Variants in PDE1C observed in about 807,000 individuals in gnomAD.
PDE1C encodes the protein dual specificity calcium/calmodulin-dependent 3',5'-cyclic nucleotide phosphodiesterase 1C.
A neutral mutation model predicts 93.1 loss-of-function variants in PDE1C; 62 were observed. The observed-to-expected ratio is 0.67, with a 90% confidence interval of 0.54 to 0.82. The LOEUF is 0.82. PDE1C is among the 40% of genes least tolerant of loss of function. PDE1C has a pLI of 0.00. For missense variants in PDE1C, 742 were observed against 884.6 expected (o/e 0.84, Z 2.04); for synonymous variants, 325 against 310.1 (o/e 1.05, Z -0.50).
At chr7:31,651,142 T>C in the PDE1C span, 1 of 1,612,730 alleles carries the variant, frequency 6.2e-7, no homozygotes, top group East Asian at 2.2e-5. Flanking sequence ...TTGTTCTCAG[T>C]GCACAGTCCA....
chr7:32,287,854 A>T (rs1562652392), intron 1 of PDE1C, among the ~76,000 whole-genome samples: 1 of 152,200 alleles, frequency 6.6e-6, no homozygotes, highest in Non-Finnish European at 1.5e-5. Context: ...TCTGCACAGG[A>T]AAAGGAATCT....
At chr7:32,206,502 C>T (rs561041893) in intron 2 of PDE1C, among the ~76,000 whole-genome samples, 5 of 152,134 alleles carry the variant, frequency 3.3e-5, no homozygotes, top group Admixed American at 6.5e-5. Flanking sequence ...GAAAGGGACC[C>T]CACAGCCAGC....
chr7:32,243,155 G>T (rs982016261), intron 1 of PDE1C, among the ~76,000 whole-genome samples: 6 of 152,182 alleles, frequency 3.9e-5, no homozygotes, highest in Non-Finnish European at 7.3e-5. Context: ...GTCTTGCCTA[G>T]ATCACACAGG....
intron 2 of PDE1C, among the ~76,000 whole-genome samples, chr7:31,925,905 T>A (rs1402099252): frequency 6.6e-6 from 1 of 152,156 alleles, no homozygotes; most frequent in Admixed American, 6.5e-5. Context: ...GTCAGCATAG[T>A]CCACTCACCC....
intron 16 of PDE1C, among the ~76,000 whole-genome samples, chr7:31,779,687 T>C (rs1783255816): frequency 6.6e-6 from 1 of 152,132 alleles, no homozygotes; most frequent in African/African-American, 2.4e-5. Context: ...CTGGTTTTGA[T>C]TTTGCCACGG....
At chr7:31,640,616 T>C in the PDE1C span, among the ~76,000 whole-genome samples, 1 of 151,958 alleles carries the variant, frequency 6.6e-6, no homozygotes, top group Non-Finnish European at 1.5e-5. Context: ...TGTCTGTAAC[T>C]GTCTGAGGTC....
intron 3 of PDE1C, among the ~76,000 whole-genome samples, chr7:32,111,240 C>G (rs575125781): frequency 6.6e-6 from 1 of 152,124 alleles, no homozygotes; most frequent in Non-Finnish European, 1.5e-5. Flanking sequence ...AACTAGTTCA[C>G]CATCCCTAGA....
chr7:32,358,879 CATT>C (rs1324816150), intron 1 of PDE1C, among the ~76,000 whole-genome samples: 1 of 46,960 alleles, frequency 2.1e-5, no homozygotes, highest in Non-Finnish European at 7.4e-5. Context: ...CATCATCTAA[CATT>C]GTGTGTGTGT....
chr7:32,425,745 C>T (rs10231294), intron 1 of PDE1C, among the ~76,000 whole-genome samples: 27,434 of 151,936 alleles, frequency 0.18, 2,615 homozygotes, highest in East Asian at 0.3. Context: ...GGTTCAAGAC[C>T]AGACTGGGCA....
chr7:32,104,742 A>G (rs1389363786), intron 3 of PDE1C, among the ~76,000 whole-genome samples: 2 of 152,214 alleles, frequency 1.3e-5, no homozygotes, highest in Admixed American at 6.5e-5. Context: ...AAAGAAAGCA[A>G]TAACGGTGCT....
At chr7:31,719,651 G>A in the PDE1C span, among the ~76,000 whole-genome samples, 5 of 152,104 alleles carry the variant, frequency 3.3e-5, no homozygotes, top group East Asian at 1.9e-4. Context: ...ATGCATGGCC[G>A]TGTGGCTCTA....
At chr7:32,045,392 A>G (rs1039867089) in intron 2 of PDE1C, among the ~76,000 whole-genome samples, 4 of 152,082 alleles carry the variant, frequency 2.6e-5, no homozygotes, top group African/African-American at 9.7e-5. Flanking sequence ...AACTGGACAC[A>G]TTCTCATGGC....
chr7:31,721,730 A>C, the PDE1C span, among the ~76,000 whole-genome samples: 6 of 152,374 alleles, frequency 3.9e-5, no homozygotes, highest in Non-Finnish European at 7.3e-5. Flanking sequence ...CAGGAAGTTC[A>C]ACCCATGTAC....
At chr7:32,055,639 C>T (rs1274020942) in intron 1 of PDE1C, among the ~76,000 whole-genome samples, 1 of 152,014 alleles carries the variant, frequency 6.6e-6, no homozygotes, top group Non-Finnish European at 1.5e-5. Flanking sequence ...AAAAAAAACC[C>T]CAGTTTATTC....
rs768549909 is a variant in PDE1C, at chr7:31,780,420, C to T, written c.1892-4688G>A. Among the ~76,000 whole-genome samples, 6 of 152,274 alleles carry T rather than the reference C, an allele frequency of 3.9e-5. No individual in the cohort carries two copies. The East Asian group carries it at 7.7e-4, about 20-fold the overall frequency. On this transcript the variant is annotated intron_variant, in intron 16 of 17. Coordinates refer to ENST00000396191, the MANE Select transcript of PDE1C (RefSeq NM_001191057.4). ...TCAGGGGAGGCCGATTTAGACTGCA[C>T]GTCTGCTTATTAACATTTGCCCTGG...
At chr7:31,898,871 T>C (rs1004387453) in intron 2 of PDE1C, among the ~76,000 whole-genome samples, 1 of 152,162 alleles carries the variant, frequency 6.6e-6, no homozygotes, top group Non-Finnish European at 1.5e-5. Context: ...GGATTTTCAA[T>C]GGAAATTTTG....
intron 2 of PDE1C, among the ~76,000 whole-genome samples, chr7:32,190,767 T>C (rs1363901015): frequency 1.3e-5 from 2 of 152,184 alleles, no homozygotes; most frequent in African/African-American, 4.8e-5. Context: ...AAGATATACT[T>C]AGGATACAGT....
chr7:31,636,893 A>G, the PDE1C span, among the ~76,000 whole-genome samples: 4 of 28,344 alleles, frequency 1.4e-4, no homozygotes, highest in Admixed American at 2.0e-3. Context: ...CCCTCCCCCC[A>G]CCCGACAACA....
intron 1 of PDE1C, among the ~76,000 whole-genome samples, chr7:32,054,596 T>C (rs538232449): frequency 3.4e-4 from 52 of 152,158 alleles, no homozygotes; most frequent in Non-Finnish European, 5.7e-4. Context: ...CTGTCACCCA[T>C]ACACATCAAA....
Sources: allele counts gnomAD v4.1 joint callset (sites outside exome capture counted in the v4.1 genomes callset), GRCh38; gene constraint gnomAD v4.1.1; transcripts MANE v1.5; gene names NCBI Gene and HGNC (gene_info 2026-07-23, HGNC 2026-07-21).